The following PLEKHA5 variants were observed in gnomAD, a reference collection of about 807,000 sequenced individuals.
PLEKHA5 encodes pleckstrin homology domain-containing family A member 5.
A neutral mutation model predicts 181.9 loss-of-function variants in PLEKHA5; 55 were observed. That is an observed-to-expected ratio of 0.30 (90% CI 0.24 to 0.38). The LOEUF (loss-of-function observed/expected upper bound fraction) is 0.38. Among genes scored for constraint, PLEKHA5 ranks in the 10% least tolerant of loss-of-function variants. The pLI is 1.00. For missense variants in PLEKHA5, 1,432 were observed against 1,549.5 expected (o/e 0.92, Z 1.27); for synonymous variants, 535 against 529.4 (o/e 1.01, Z -0.15).
At chr12:19,178,734 A>C (rs1168508875) in intron 3 of PLEKHA5, among the ~76,000 whole-genome samples, 4 of 152,196 alleles carry the variant, frequency 2.6e-5, no homozygotes, top group Non-Finnish European at 5.9e-5. Context: ...AGTCTGCCTT[A>C]CTGGGCGTTA....
At chr12:19,367,258 C>CTTTTTTTTTT (rs376634416) in intron 30 of PLEKHA5, among the ~76,000 whole-genome samples, 3 of 72,002 alleles carry the variant, frequency 4.2e-5, no homozygotes, top group African/African-American at 5.6e-5. Flanking sequence ...TTTGCTTCTT[C>CTTTTTTTTTT]TTTTTTTTTT....
In PLEKHA5 at chr12:19,354,143, CTTTTT is replaced by C. The variant is rs750923063; in HGVS notation, c.3138+163_3138+167del. The C allele has an allele frequency of 5.2e-4, 39 of 74,870 alleles. No individual in the cohort carries two copies. In the East Asian group the frequency reaches 0.011, roughly 22 times the overall value. The allele number at this position is 74,870 out of a possible 1,614,324, so 4.6% of individuals were successfully genotyped here. A position where few individuals can be genotyped will look rare whatever the true frequency, so the allele number is the denominator to read the frequency against. On this transcript the variant is annotated intron_variant, in intron 26 of 31. Coordinates refer to ENST00000429027, the MANE Select transcript of PLEKHA5 (RefSeq NM_001256470.2). ...TTAGTAATCTTAGTTATTCTTTATT[CTTTTT>C]TTTTTTTTTTTTTTTTTTTTTGAGA... is the stretch of plus-strand genomic sequence containing the variant.
At position 19,320,564 on chromosome 12, in the gene PLEKHA5, G is replaced by T. The variant is rs765777969; in HGVS notation, c.2157G>T (p.Leu719=). The T allele has an allele frequency of 6.8e-7, 1 of 1,475,766 alleles. No homozygotes were observed. The highest frequency in any genetic ancestry group is 1.8e-5 in the Admixed American group (1 of 55,858). 91.4% of individuals were successfully genotyped at this position (1,475,766 alleles called of 1,614,324 possible). Residue 719 remains leucine (L), a splice_region_variant and synonymous_variant, in exon 18 of 32, where the codon CTG becomes CTT. Coordinates refer to ENST00000429027, the MANE Select transcript of PLEKHA5 (RefSeq NM_001256470.2). ...RQKSKISLYC[L]SQDEGRGTLY... The stretch of plus-strand genomic sequence containing the variant: ...GCTATATGATTTTTTTCTTATAGCT[G>T]TCACAAGATGAAGGTAGAGGCACAT...
chr12:19,230,724 A>G (rs373025886), intron 3 of PLEKHA5, among the ~76,000 whole-genome samples: 2 of 152,120 alleles, frequency 1.3e-5, no homozygotes, highest in South Asian at 2.1e-4. Flanking sequence ...CCCGGTTCCC[A>G]CCGGCACCTC....
Position 19,375,545 on chromosome 12 carries a change from G to A in PLEKHA5, c.*26G>A, listed in dbSNP as rs971852219. The A allele has an allele frequency of 1.1e-4, 17 of 152,500 alleles. No individual in the cohort carries two copies. The highest frequency in any genetic ancestry group is 4.1e-4 in the African/African-American group (17 of 41,404). The allele number at this position is 152,500 out of a possible 1,614,324, so 9.4% of individuals were successfully genotyped here. On this transcript the variant is annotated 3_prime_UTR_variant, in exon 32 of 32. Transcript: ENST00000429027. ...TTATTTTTCAGCTATACTGACTTCT[G>A]TTGAAACCATTCAAAGCTAAAGACA... is the stretch of plus-strand genomic sequence containing the variant.
intron 3 of PLEKHA5, among the ~76,000 whole-genome samples, chr12:19,218,520 A>G (rs969598549): frequency 2.0e-5 from 3 of 152,212 alleles, no homozygotes; most frequent in Non-Finnish European, 4.4e-5. Flanking sequence ...ATTTCATTAG[A>G]TACAACAAGA....
At chr12:19,288,931 C>G in intron 13 of PLEKHA5, among the ~76,000 whole-genome samples, 1 of 152,170 alleles carries the variant, frequency 6.6e-6, no homozygotes, top group East Asian at 1.9e-4. Flanking sequence ...TATCTTTCAT[C>G]CTTTTGAAAA....
chr12:19,153,442 T>C (rs1173682624), intron 3 of PLEKHA5: 1 of 152,154 alleles, frequency 6.6e-6, no homozygotes, highest in Non-Finnish European at 1.5e-5. Context: ...TTAATAAAGT[T>C]TGTATTTTTT....
chr12:19,162,434 TTACA>T (rs1438045777), intron 3 of PLEKHA5, among the ~76,000 whole-genome samples: 1 of 152,176 alleles, frequency 6.6e-6, no homozygotes. Flanking sequence ...CTGGCTAATT[TTACA>T]TACATTAATT....
At chr12:19,335,582 A>ATTTTTTTTTTTT (rs34158055) in intron 20 of PLEKHA5, among the ~76,000 whole-genome samples, 3 of 108,000 alleles carry the variant, frequency 2.8e-5, no homozygotes, top group Admixed American at 1.0e-4. Flanking sequence ...CGCCTGGCTA[A>ATTTTTTTTTTTT]TTTTTTTTTT....
intron 3 of PLEKHA5, among the ~76,000 whole-genome samples, 161 bp from the exon 4 acceptor site, chr12:19,253,779 C>A (rs1403033511): frequency 6.6e-6 from 1 of 151,982 alleles, no homozygotes; most frequent in Non-Finnish European, 1.5e-5. Flanking sequence ...GAGAATGCGC[C>A]ATTGCACTCC....
Position 19,361,625 on chromosome 12 carries a change from C to A in PLEKHA5, c.3527C>A (p.Pro1176His). Residue 1176 changes from proline (P) to histidine (H), a missense_variant, in exon 29 of 32, where the codon CCT becomes CAT. Coordinates refer to ENST00000429027, the MANE Select transcript of PLEKHA5 (RefSeq NM_001256470.2). ...ATTTCATATGAAATGCTTTTTGAAC[C>A]TGAGCCAAATGGAGTAAATTCTGTG... ...ENISYEMLFE[P>H]EPNGVNSVEM... is the part of the protein sequence containing the mutation. The A allele has an allele frequency of 6.4e-7, 1 of 1,558,008 alleles. No individual in the cohort carries two copies. Among genetic ancestry groups the A allele is most frequent in the East Asian group, 2.3e-5 (1 of 44,358 alleles).
At chr12:19,257,593 A>C in intron 6 of PLEKHA5, 56 bp downstream of exon 6, 1 of 901,394 alleles carries the variant, frequency 1.1e-6, no homozygotes, top group Non-Finnish European at 1.8e-6. Flanking sequence ...AACCTTTTAA[A>C]CTGAATGTAC....
intron 21 of PLEKHA5, among the ~76,000 whole-genome samples, chr12:19,336,983 C>G (rs977409620): frequency 8.9e-6 from 1 of 112,668 alleles, no homozygotes; most frequent in Non-Finnish European, 1.8e-5. Flanking sequence ...TATCTTTTAT[C>G]TTTTTTTTTT....
chr12:19,257,446 CA>C lies in PLEKHA5; in HGVS notation c.453del (p.Val152PhefsTer33). 4 of 1,579,612 alleles carry C rather than the reference CA, an allele frequency of 2.5e-6. No homozygotes were observed. The highest frequency in any genetic ancestry group is 1.7e-5 in the Admixed American group (1 of 59,004). On this transcript the variant is annotated frameshift_variant, in exon 6 of 32. Transcript: ENST00000429027. LOFTEE classifies it high-confidence loss of function. ...MSPVGRTSRA[S>X]KKVHNFGKRS... ...TTTTCTATTTAGACTTCACGAGCTT[CA>C]AAAAAAGTTCATAATTTTGGAAAGA...
intron 11 of PLEKHA5, among the ~76,000 whole-genome samples, chr12:19,281,435 G>A (rs1258450377): frequency 6.6e-6 from 1 of 151,692 alleles, no homozygotes; most frequent in Non-Finnish European, 1.5e-5. Context: ...AAATTAGCTG[G>A]GCATGGTGGC....
At chr12:19,172,964 G>GTT (rs33953502) in intron 3 of PLEKHA5, among the ~76,000 whole-genome samples, 114 of 114,730 alleles carry the variant, frequency 9.9e-4, no homozygotes, top group East Asian at 3.6e-3. Context: ...GAAAAAAGTT[G>GTT]TTTTTTTTTT....
chr12:19,170,726 A>G (rs999255619), intron 3 of PLEKHA5, among the ~76,000 whole-genome samples: 1 of 152,120 alleles, frequency 6.6e-6, no homozygotes, highest in Non-Finnish European at 1.5e-5. Context: ...CCTCTCTAAT[A>G]ATTTTATATT....
At chr12:19,266,589 G>C (rs1040515969) in intron 8 of PLEKHA5, among the ~76,000 whole-genome samples, 7 of 152,032 alleles carry the variant, frequency 4.6e-5, no homozygotes, top group Admixed American at 3.9e-4. Flanking sequence ...TTCAAGACCA[G>C]CCTGGCCAAC....
Sources: allele counts gnomAD v4.1 joint callset (sites outside exome capture counted in the v4.1 genomes callset), GRCh38; gene constraint gnomAD v4.1.1; transcripts MANE v1.5; gene names NCBI Gene and HGNC (gene_info 2026-07-23, HGNC 2026-07-21).